Variants in SPTLC2 observed in about 807,000 individuals in gnomAD.
SPTLC2 encodes the protein serine palmitoyltransferase long chain base subunit 2.
SPTLC2 carries 21 observed loss-of-function variants against 62.0 expected under a neutral mutation model. The ratio of observed to expected loss-of-function variants is 0.34; its 90% CI spans 0.24 to 0.49. The LOEUF is 0.49. Ranked by LOEUF, SPTLC2 falls within the 20% of genes least tolerant of loss-of-function variation. The pLI is 0.99. For missense variants in SPTLC2, 511 were observed against 713.0 expected (o/e 0.72, Z 3.23); for synonymous variants, 261 against 261.8 (o/e 1.00, Z 0.03).
At chr14:77,578,213 C>G (rs2079727736) in intron 3 of SPTLC2, among the ~76,000 whole-genome samples, 1 of 152,084 alleles carries the variant, frequency 6.6e-6, no homozygotes, top group Non-Finnish European at 1.5e-5. Flanking sequence ...CCAAACTATT[C>G]AATCCATGTA....
chr14:77,528,294 C>T (rs1296186045), intron 9 of SPTLC2, among the ~76,000 whole-genome samples: 2 of 151,924 alleles, frequency 1.3e-5, no homozygotes, highest in Non-Finnish European at 2.9e-5. Flanking sequence ...TGCAATGGCG[C>T]GATCTCGGCT....
intron 5 of SPTLC2, among the ~76,000 whole-genome samples, chr14:77,564,185 T>C (rs1423995359): frequency 1.4e-5 from 2 of 144,622 alleles, no homozygotes; most frequent in Admixed American, 7.1e-5. Flanking sequence ...TGAGCCGAAA[T>C]TGTGCTGCTG....
intron 9 of SPTLC2, among the ~76,000 whole-genome samples, chr14:77,529,250 CTTCTTTTT>C (rs1566769828): frequency 3.7e-5 from 4 of 107,408 alleles, no homozygotes; most frequent in Non-Finnish European, 5.7e-5. Context: ...TTGAAAACTT[CTTCTTTTT>C]TTTTTTTTTT....
At chr14:77,538,198 TC>T (rs1237100447) in intron 9 of SPTLC2, among the ~76,000 whole-genome samples, 3 of 152,188 alleles carry the variant, frequency 2.0e-5, no homozygotes, top group Non-Finnish European at 4.4e-5. Context: ...TCCTTTATTC[TC>T]CAATTTAGAG....
At chr14:77,568,913 T>G (rs2079661798) in intron 5 of SPTLC2, among the ~76,000 whole-genome samples, 1 of 152,188 alleles carries the variant, frequency 6.6e-6, no homozygotes, top group Admixed American at 6.5e-5. Flanking sequence ...ACTTTGACGC[T>G]CTGTTAATAA....
chr14:77,546,067 T>C (rs1486130135), intron 9 of SPTLC2, among the ~76,000 whole-genome samples: 1 of 152,154 alleles, frequency 6.6e-6, no homozygotes, highest in Non-Finnish European at 1.5e-5. Flanking sequence ...CTTTGGAAAA[T>C]TAGCAGAAAA....
In SPTLC2 at chr14:77,529,854, C is replaced by T. The variant is rs533802901; in HGVS notation, c.1304-8273G>A. Among the ~76,000 whole-genome samples, 4 of 151,874 alleles carry T rather than the reference C, an allele frequency of 2.6e-5. No individual in the cohort carries two copies. In the South Asian group the frequency reaches 8.3e-4, roughly 32 times the overall value. On this transcript the variant is annotated intron_variant, in intron 9 of 11. Coordinates refer to ENST00000216484, the MANE Select transcript of SPTLC2 (RefSeq NM_004863.4). ...GCCAGGCTGGTCTCAAACTCCTGGG[C>T]TAATGTGATCCACCTGCCTGGCCCA...
chr14:77,543,647 C>CA (rs1400670191), intron 9 of SPTLC2, among the ~76,000 whole-genome samples: 1 of 152,026 alleles, frequency 6.6e-6, no homozygotes, highest in African/African-American at 2.4e-5. Flanking sequence ...CAGCCCCCCC[C>CA]AAAAAAAGTA....
chr14:77,518,245 A>C (rs2079368508), intron 10 of SPTLC2, 78 bp from the exon 11 acceptor site: 2 of 1,597,340 alleles, frequency 1.3e-6, no homozygotes, highest in Non-Finnish European at 1.7e-6. Flanking sequence ...GTCCTCAAAG[A>C]TTTCAACTCT....
At chr14:77,585,794 AC>A (rs547584233) in intron 2 of SPTLC2, among the ~76,000 whole-genome samples, 3 of 152,236 alleles carry the variant, frequency 2.0e-5, no homozygotes, top group Non-Finnish European at 4.4e-5. Context: ...AAGTATTTAG[AC>A]CTTCACAGAT....
intron 1 of SPTLC2, among the ~76,000 whole-genome samples, chr14:77,604,737 C>A (rs1283726227): frequency 6.6e-6 from 1 of 151,814 alleles, no homozygotes; most frequent in African/African-American, 2.4e-5. Flanking sequence ...CGTGGTGGTG[C>A]ATGCCTGTAA....
Position 77,594,113 on chromosome 14 carries a change from T to C in SPTLC2, c.327+3073A>G, listed in dbSNP as rs563949974. Among the ~76,000 whole-genome samples, 46 of 152,338 alleles carry C rather than the reference T, an allele frequency of 3.0e-4. No homozygotes were observed. The Middle Eastern group carries it at 0.01, about 34-fold the overall frequency. On this transcript the variant is annotated intron_variant, in intron 2 of 11. Coordinates refer to ENST00000216484, the MANE Select transcript of SPTLC2 (RefSeq NM_004863.4). ...TTCCTTGTATTACTTCCTCCAAGAATTGTTTCCTGATTAACCCTATGCTAC... is the reference window on the plus strand; with the variant it reads ...TTCCTTGTATTACTTCCTCCAAGAACTGTTTCCTGATTAACCCTATGCTAC...
intron 6 of SPTLC2, among the ~76,000 whole-genome samples, chr14:77,558,598 G>A (rs548325952): frequency 2.7e-4 from 40 of 150,866 alleles, no homozygotes; most frequent in Non-Finnish European, 4.9e-4. Flanking sequence ...AGTAAATTAC[G>A]TCCTGACTCA....
At chr14:77,528,935 A>G (rs2079422489) in intron 9 of SPTLC2, among the ~76,000 whole-genome samples, 1 of 152,080 alleles carries the variant, frequency 6.6e-6, no homozygotes, top group African/African-American at 2.4e-5. Context: ...TCCCAGGTTC[A>G]AGAGATTCTC....
At position 77,611,174 on chromosome 14, in the gene SPTLC2, G is replaced by A. The variant is rs189223845; in HGVS notation, c.132+5274C>T. On this transcript the variant is annotated intron_variant, in intron 1 of 11. Transcript: ENST00000216484. ...AAAAATTAGCCGGGTGTGTTGGTGA[G>A]CACCTGTAGTCCCAGCTACTCGGGA... Among the ~76,000 whole-genome samples, 1,278 of 150,976 alleles carry A rather than the reference G, an allele frequency of 8.5e-3. 11 individuals are homozygous for A. Among genetic ancestry groups the A allele is most frequent in the Non-Finnish European group, 0.014 (957 of 67,766 alleles).
At chr14:77,539,096 A>G (rs1298323101) in intron 9 of SPTLC2, among the ~76,000 whole-genome samples, 1 of 152,104 alleles carries the variant, frequency 6.6e-6, no homozygotes, top group Non-Finnish European at 1.5e-5. Context: ...AAATGCTTAA[A>G]CAAACGGTCT....
intron 9 of SPTLC2, among the ~76,000 whole-genome samples, chr14:77,544,031 C>T (rs1566774970): frequency 1.3e-5 from 2 of 151,468 alleles, no homozygotes; most frequent in African/African-American, 4.8e-5. Flanking sequence ...AGACAATCCT[C>T]TTTTTTATTT....
In SPTLC2 at chr14:77,612,407, G is replaced by C. The variant is rs556827866; in HGVS notation, c.132+4041C>G. ...AGAATTCCTGTTAAAGAAAATTCCT[G>C]AGTATCTCAAATAACTCTGGAATTC... On this transcript the variant is annotated intron_variant, in intron 1 of 11. Coordinates refer to ENST00000216484, the MANE Select transcript of SPTLC2 (RefSeq NM_004863.4). 1.8e-4 allele frequency among the ~76,000 whole-genome samples: 27 copies of C among 152,238 alleles called. No homozygotes were observed. In the South Asian group the frequency reaches 3.5e-3, roughly 20 times the overall value.
chr14:77,584,792 C>A (rs2079772057), intron 2 of SPTLC2, among the ~76,000 whole-genome samples: 1 of 151,374 alleles, frequency 6.6e-6, no homozygotes, highest in Admixed American at 6.6e-5. Flanking sequence ...CTACAAGACA[C>A]ACAGACACAC....
Sources: allele counts gnomAD v4.1 joint callset (sites outside exome capture counted in the v4.1 genomes callset), GRCh38; gene constraint gnomAD v4.1.1; transcripts MANE v1.5; gene names NCBI Gene and HGNC (gene_info 2026-07-23, HGNC 2026-07-21).